GGA3: variants seen among roughly 807,000 people sequenced by gnomAD.
GGA3 encodes ADP-ribosylation factor-binding protein GGA3.
In GGA3, 57 loss-of-function variants were observed where a neutral mutation model predicts 77.5. The ratio of observed to expected loss-of-function variants is 0.74; its 90% confidence interval spans 0.59 to 0.92. GGA3 has a LOEUF of 0.92. GGA3 is among the 40% of genes least tolerant of loss of function. The probability of loss-of-function intolerance (pLI) is 0.00; values close to 1 mark genes in which losing one functional copy is unlikely to be tolerated. For synonymous variants in GGA3, 416 were observed against 383.7 expected, an observed-to-expected ratio of 1.08 and a Z score of -0.98; for missense variants, 970 against 914.9, an observed-to-expected ratio of 1.06 and a Z score of -0.78.
At chr17:75,243,596 C>G (rs1214138478) in intron 4 of GGA3, 26 bp from the exon 5 acceptor site, 2 of 1,611,608 alleles carry the variant, frequency 1.2e-6, no homozygotes, top group African/African-American at 1.3e-5. Flanking sequence ...AAATGAGGAC[C>G]TAGTAAGTGC....
chr17:75,250,363 C>G (rs189023821), intron 1 of GGA3, among the ~76,000 whole-genome samples: 1 of 152,348 alleles, frequency 6.6e-6, no homozygotes, highest in East Asian at 1.9e-4. Context: ...CAGCTTCACT[C>G]CATCGCTAGC....
intron 1 of GGA3, among the ~76,000 whole-genome samples, chr17:75,247,827 C>T (rs550487716): frequency 2.3e-4 from 35 of 152,188 alleles, no homozygotes; most frequent in African/African-American, 8.4e-4. Flanking sequence ...ATCCAGGCAC[C>T]AAATGCAAAG....
chr17:75,252,819 TC>T (rs2077014819), intron 1 of GGA3, among the ~76,000 whole-genome samples: 1 of 152,204 alleles, frequency 6.6e-6, no homozygotes, highest in African/African-American at 2.4e-5. Context: ...TTAAGAAGGT[TC>T]TTCGTAATTC....
Position 75,239,793 on chromosome 17 carries a change from TG to T in GGA3, c.1578del (p.Val528Ter). 1 of 1,613,600 alleles carries T rather than the reference TG, an allele frequency of 6.2e-7. No individual in the cohort carries two copies. The highest frequency in any genetic ancestry group is 8.5e-7 in the Non-Finnish European group (1 of 1,179,998). ...ACATCTCCTCCCACTCATTACACTT[TG>T]GCCTCTTCTAGAAGCTGATCGAGGG... Reference protein sequence around the residue: ...LDALDQLLEEAKVTSGLVKPT... With the variant: ...LDALDQLLEEXKVTSGLVKPT... On this transcript the variant is annotated frameshift_variant, in exon 13 of 17. Coordinates refer to ENST00000537686, the MANE Select transcript of GGA3 (RefSeq NM_138619.4). LOFTEE classifies it high-confidence loss of function.
intron 12 of GGA3, 64 bp from the exon 13 acceptor site, chr17:75,240,172 G>A (rs1360417633): frequency 7.5e-7 from 1 of 1,338,384 alleles, no homozygotes; most frequent in East Asian, 2.5e-5. Context: ...CTGGAACGGG[G>A]CGCAGCCCTC....
In GGA3 at chr17:75,240,809, C is replaced by T; in HGVS notation, c.1192+3G>A. On this transcript the variant is annotated splice_donor_region_variant and intron_variant, in intron 11 of 16. Transcript: ENST00000537686. ...TGCCCCTGACGCCCCCTGTGGGCCG[C>T]ACCCAAGCAGAGTAGCTCCTCGTCC... is the stretch of plus-strand genomic sequence containing the variant. 1 of 1,608,296 alleles carries T rather than the reference C, an allele frequency of 6.2e-7. No individual in the cohort carries two copies.
chr17:75,243,132 A>G lies in GGA3; in HGVS notation c.459T>C (p.Asp153=). The G allele has an allele frequency of 6.2e-7, 1 of 1,612,342 alleles. No individual in the cohort carries two copies. The highest frequency in any genetic ancestry group is 1.1e-5 in the South Asian group (1 of 90,884). Residue 153 remains aspartate, a synonymous_variant, in exon 6 of 17, where the codon GAT becomes GAC. Transcript: ENST00000537686. ...IVQSDPPIPV[D]RTLIPSPPPR... is the part of the protein sequence containing the mutation. ...GTGGTGGAGAGGGGATCAGCGTCCT[A>G]TCCACAGGAATTGGTGGGTCAGACT...
chr17:75,241,802 C>T (rs761407753), intron 8 of GGA3, 106 bp from the exon 9 acceptor site: 162 of 932,790 alleles, frequency 1.7e-4, no homozygotes, highest in Non-Finnish European at 2.6e-4. Context: ...CCAATTGCCA[C>T]GGTCAATTAC....
chr17:75,244,839 A>G (rs2076700662), intron 3 of GGA3, 122 bp from the exon 4 acceptor site: 1 of 704,714 alleles, frequency 1.4e-6, no homozygotes, highest in Admixed American at 2.2e-5. Flanking sequence ...GGAGCTCATC[A>G]CGAAAAGCAG....
At chr17:75,258,160 A>C (rs1286258373) in intron 1 of GGA3, among the ~76,000 whole-genome samples, 1 of 152,210 alleles carries the variant, frequency 6.6e-6, no homozygotes, top group Non-Finnish European at 1.5e-5. Context: ...AGAACTAATG[A>C]TAATCCACCA....
intron 1 of GGA3, among the ~76,000 whole-genome samples, chr17:75,260,898 A>G (rs4789160): frequency 0.87 from 132,269 of 151,350 alleles, 58,425 homozygotes; most frequent in East Asian, 1. Context: ...TCGTTAGGAT[A>G]TTCAAGGGGG....
At chr17:75,248,662 T>C (rs969911234) in intron 1 of GGA3, among the ~76,000 whole-genome samples, 15 of 151,102 alleles carry the variant, frequency 9.9e-5, no homozygotes, top group African/African-American at 3.6e-4. Context: ...GGCACATGCC[T>C]GTAGTCCCAG....
chr17:75,257,926 G>C (rs906240436), intron 1 of GGA3, among the ~76,000 whole-genome samples: 4 of 152,174 alleles, frequency 2.6e-5, no homozygotes, highest in Non-Finnish European at 4.4e-5. Context: ...ATGGCCTGAC[G>C]TAACTGAAGA....
intron 12 of GGA3, 38 bp from the exon 13 acceptor site, chr17:75,240,146 T>TGGGGAGCCGGGGGGGGGG: frequency 4.3e-6 from 1 of 234,092 alleles, no homozygotes; most frequent in Admixed American, 5.5e-5. Flanking sequence ...CGAGGGCGGG[T>TGGGGAGCCGGGGGGGGGG]GGGGAGGGCC....
At chr17:75,261,991 G>C (rs779839555), upstream of GGA3, 23 of 1,533,788 alleles carry the variant, frequency 1.5e-5, no homozygotes, top group South Asian at 4.5e-5. Flanking sequence ...AGGGTGAGAG[G>C]GTGGCGAGCA....
chr17:75,242,606 C>T (rs1323726920), intron 7 of GGA3, 133 bp from the exon 8 acceptor site: 5 of 1,039,358 alleles, frequency 4.8e-6, no homozygotes, highest in South Asian at 1.4e-5. Context: ...TGCCTGGGGC[C>T]CAGTCTATAC....
At chr17:75,239,114 G>A in intron 14 of GGA3, 31 bp from the exon 15 acceptor site, 1 of 1,600,498 alleles carries the variant, frequency 6.2e-7, no homozygotes. Context: ...TGTGGGAGGA[G>A]CAGCACCAGA....
In GGA3 at chr17:75,257,467, GTAAA is replaced by G. The variant is rs916507271; in HGVS notation, c.40+4077_40+4080del. Among the ~76,000 whole-genome samples, 81 of 152,282 alleles carry G rather than the reference GTAAA, an allele frequency of 5.3e-4. 1 individual carries two copies. The highest frequency in any genetic ancestry group is 1.7e-3 in the African/African-American group (71 of 41,552). On this transcript the variant is annotated intron_variant, in intron 1 of 16. Transcript: ENST00000537686. ...CAAACTGCCACTCTTAACTCTTGAA[GTAAA>G]TAAATAATCTTTGCTGGCAGGACTA...
chr17:75,244,884 G>A (rs561940110), intron 3 of GGA3, among the ~76,000 whole-genome samples, 167 bp from the exon 4 acceptor site: 20 of 152,242 alleles, frequency 1.3e-4, no homozygotes, highest in Admixed American at 1.1e-3. Context: ...ATTAAGCAAC[G>A]AGATCACTCA....
Sources: gnomAD v4.1 joint callset for allele counts (sites outside exome capture counted in the v4.1 genomes callset) on GRCh38, gnomAD v4.1.1 for gene constraint, MANE v1.5 for transcripts, NCBI Gene and HGNC (gene_info 2026-07-23, HGNC 2026-07-21) for gene names.